ADGRD2: variants seen among roughly 807,000 people sequenced by gnomAD.
ADGRD2 encodes adhesion G protein-coupled receptor D2, also known as G protein-coupled receptor PGR24.
ADGRD2 carries 71 observed loss-of-function variants against 44.4 expected under a neutral mutation model. The ratio of observed to expected loss-of-function variants is 1.60; its 90% confidence interval spans 1.32 to 1.95. The LOEUF (loss-of-function observed/expected upper bound fraction) is 1.95. Ranked by LOEUF, ADGRD2 falls within the 30% of genes most tolerant of loss-of-function variation. ADGRD2 has a pLI of 0.00. For missense variants in ADGRD2, 1,039 were observed against 512.4 expected (o/e 2.03, Z -9.92); for synonymous variants, 481 against 224.8 (o/e 2.14, Z -10.19).
exon 2 of ADGRD2, chr9:124,452,564 C>G (rs772744435): frequency 2.8e-6 from 2 of 718,574 alleles, no homozygotes; most frequent in African/African-American, 3.5e-5. Context: ...TGCAAGTTCT[C>G]TGGACAGCGA....
At chr9:124,459,146 G>A (rs924934852) in intron 10 of ADGRD2, among the ~76,000 whole-genome samples, 2 of 152,174 alleles carry the variant, frequency 1.3e-5, no homozygotes, top group Non-Finnish European at 2.9e-5. Flanking sequence ...ATATGAATGC[G>A]CTTCATACAA....
rs764507214 is a variant in ADGRD2, at chr9:124,452,500, T to A, written c.69-10T>A. Reference sequence around the variant, plus strand: ...AATGCACCCCCCACCGTCTCTCTTATCGTTTTTAGCCCCCGTGGCCGCCGG... The same window carrying A: ...AATGCACCCCCCACCGTCTCTCTTAACGTTTTTAGCCCCCGTGGCCGCCGG... On this transcript the variant is annotated splice_polypyrimidine_tract_variant and intron_variant, in intron 1 of 21. Coordinates refer to ENST00000334810, the Ensembl canonical transcript of ADGRD2. 17 of 718,486 alleles carry A rather than the reference T, an allele frequency of 2.4e-5. No individual in the cohort carries two copies. The South Asian group carries it at 2.5e-4, about 11-fold the overall frequency. 44.5% of individuals were successfully genotyped at this position (718,486 alleles called of 1,614,324 possible).
intron 21 of ADGRD2, 157 bp downstream of exon 24, chr9:124,476,866 TG>T (rs1395347972): frequency 2.6e-5 from 18 of 695,880 alleles, no homozygotes; most frequent in Non-Finnish European, 4.2e-5. Flanking sequence ...CTGGGAGCAC[TG>T]GGGGCCTGGC....
At chr9:124,453,549 C>G (rs1458873698) in exon 3 of ADGRD2, 1 of 697,896 alleles carries the variant, frequency 1.4e-6, no homozygotes, top group Non-Finnish European at 2.6e-6. Context: ...CGCTGAGCCC[C>G]GCTCAGCTGC....
Position 124,453,567 on chromosome 9 carries a change from AC to A in ADGRD2, c.815del (p.Arg273GlyfsTer146). On this transcript the variant is annotated frameshift_variant, in exon 3 of 22. Coordinates refer to ENST00000334810, the Ensembl canonical transcript of ADGRD2. LOFTEE classifies it high-confidence loss of function. ...TGAGCCCCGCTCAGCTGCACCGGGC[AC>A]GGGCCTGCGCGCCGCCCTCAGAGGG... is the stretch of plus-strand genomic sequence containing the variant. 1 of 698,760 alleles carries A rather than the reference AC, an allele frequency of 1.4e-6. No individual in the cohort carries two copies. Among genetic ancestry groups the A allele is most frequent in the Non-Finnish European group, 2.6e-6 (1 of 382,222 alleles). 43.3% of individuals were successfully genotyped at this position (698,760 alleles called of 1,614,324 possible).
At chr9:124,451,377 G>A (rs1831464924), upstream of ADGRD2, 3 of 381,798 alleles carry the variant, frequency 7.9e-6, no homozygotes, top group Middle Eastern at 9.3e-4. Context: ...GCTCTCCAGG[G>A]CGACAGTGTT....
chr9:124,466,849 TG>T (rs1831833097), intron 11 of ADGRD2: 1 of 151,946 alleles, frequency 6.6e-6, no homozygotes, highest in Non-Finnish European at 1.5e-5. Flanking sequence ...AAAAAATTGT[TG>T]GGGGAAAACT....
intron 11 of ADGRD2, 132 bp downstream of exon 14, chr9:124,466,545 T>C (rs4838185): frequency 0.76 from 416,753 of 548,934 alleles, 160,103 homozygotes; most frequent in African/African-American, 0.93. Flanking sequence ...CAGGGCTGCA[T>C]GCAGTAGTTC....
chr9:124,463,002 T>G (rs1367718301), intron 10 of ADGRD2, among the ~76,000 whole-genome samples: 2 of 151,908 alleles, frequency 1.3e-5, no homozygotes, highest in Non-Finnish European at 2.9e-5. Flanking sequence ...TTCTTTTTCT[T>G]CCCTTGTTGC....
chr9:124,454,938 G>GC lies in ADGRD2; in HGVS notation c.1204_1205insC (p.Met403HisfsTer56). ...TTCTGGAGCATGTCCTGGCGATGGA[G>GC]ATGGCTCCCCTGGGGCCGGCCGCAC... On this transcript the variant is annotated frameshift_variant, in exon 6 of 22. Coordinates refer to ENST00000334810, the Ensembl canonical transcript of ADGRD2. LOFTEE classifies it high-confidence loss of function. The surrounding 1 kb of genome is among the most constrained non-coding windows in gnomAD (Gnocchi z 4.5). The GC allele has an allele frequency of 2.8e-6, 2 of 717,526 alleles. No individual in the cohort carries two copies. Among genetic ancestry groups the GC allele is most frequent in the Non-Finnish European group, 5.2e-6 (2 of 385,100 alleles). 44.4% of individuals were successfully genotyped at this position (717,526 alleles called of 1,614,324 possible). A position where few individuals can be genotyped will look rare whatever the true frequency, so the allele number is the denominator to read the frequency against.
At chr9:124,468,935 G>A (rs1020736332) in intron 14 of ADGRD2, among the ~76,000 whole-genome samples, 2 of 151,976 alleles carry the variant, frequency 1.3e-5, no homozygotes, top group Non-Finnish European at 2.9e-5. Context: ...CTCTCCATCC[G>A]CAGTGCTATC....
chr9:124,473,587 C>T (rs562506227), intron 17 of ADGRD2, among the ~76,000 whole-genome samples: 1 of 152,370 alleles, frequency 6.6e-6, no homozygotes, highest in African/African-American at 2.4e-5. Flanking sequence ...ACTCCCCTAG[C>T]ACCTCCCCAT....
chr9:124,470,601 T>C, exon 17 of ADGRD2: 1 of 706,960 alleles, frequency 1.4e-6, no homozygotes, highest in Non-Finnish European at 2.6e-6. Context: ...GCCGTGGGCC[T>C]CAACTCCATC....
intron 21 of ADGRD2, among the ~76,000 whole-genome samples, chr9:124,477,879 G>C (rs1323410777): frequency 1.3e-5 from 2 of 151,038 alleles, no homozygotes; most frequent in Non-Finnish European, 2.9e-5. Context: ...CTCAAGTGAC[G>C]GCGCCTTTGT....
At position 124,454,965 on chromosome 9, in the gene ADGRD2, G is replaced by C; in HGVS notation, c.1233G>C (p.Leu411=). 1 of 718,190 alleles carries C rather than the reference G, an allele frequency of 1.4e-6. No individual in the cohort carries two copies. Among genetic ancestry groups the C allele is most frequent in the Non-Finnish European group, 2.6e-6 (1 of 385,102 alleles). 44.5% of individuals were successfully genotyped at this position (718,190 alleles called of 1,614,324 possible). The change falls in exon 6 of 22, where the codon CTG becomes CTC. Residue 411 remains leucine (L), a synonymous_variant. Transcript: ENST00000334810. The surrounding 1 kb of genome is among the most constrained non-coding windows in gnomAD (Gnocchi z 4.5). ...TGGCTCCCCTGGGGCCGGCCGCACT[G>C]CTGGCTGTTGTCCGCTTCCTGAAGA...
chr9:124,457,355 G>A, intron 7 of ADGRD2, 117 bp from the exon 11 acceptor site: 2 of 455,644 alleles, frequency 4.4e-6, no homozygotes, highest in Non-Finnish European at 3.9e-6. Flanking sequence ...CTCTGAGCAG[G>A]AATGGTGGCC....
intron 11 of ADGRD2, chr9:124,466,943 T>C (rs891839098): frequency 6.6e-6 from 1 of 152,594 alleles, no homozygotes; most frequent in African/African-American, 2.4e-5. Context: ...TCAGGTGAGA[T>C]GGGACGTGAG....
At chr9:124,452,191 C>T in intron 1 of ADGRD2, 37 bp downstream of exon 4, 2 of 687,580 alleles carry the variant, frequency 2.9e-6, no homozygotes, top group Non-Finnish European at 2.7e-6. Flanking sequence ...GGGTCCCAGT[C>T]CCCCAGCTAA....
At chr9:124,459,369 T>C (rs7026189) in intron 10 of ADGRD2, among the ~76,000 whole-genome samples, 109,018 of 151,932 alleles carry the variant, frequency 0.72, 40,304 homozygotes, top group African/African-American at 0.9. Context: ...TGGTACACAC[T>C]TGTAGTCCCA....
Sources: gnomAD v4.1 joint callset for allele counts (sites outside exome capture counted in the v4.1 genomes callset) on GRCh38, gnomAD v4.1.1 for gene constraint, Gnocchi (gnomAD v3.1) non-coding constraint, MANE v1.5 for transcripts, NCBI Gene and HGNC (gene_info 2026-07-23, HGNC 2026-07-21) for gene names.